TMIGD3: variants seen among roughly 807,000 people sequenced by gnomAD.
TMIGD3 encodes AD026 protein (AD026).
Under a neutral mutation model 28.1 loss-of-function variants are expected in TMIGD3, and 21 were observed. The ratio of observed to expected loss-of-function variants is 0.75; its 90% CI spans 0.53 to 1.08. TMIGD3 has a LOEUF of 1.08. Among genes scored for constraint, TMIGD3 ranks in the 50% least tolerant of loss-of-function variants. The pLI is 0.00. For missense variants in TMIGD3, 416 were observed against 435.6 expected (o/e 0.96, Z 0.40); for synonymous variants, 151 against 162.1 (o/e 0.93, Z 0.52).
At chr1:111,485,661 C>T in intron 5 of TMIGD3, 79 bp downstream of exon 5, 1 of 1,148,550 alleles carries the variant, frequency 8.7e-7, no homozygotes, top group Admixed American at 2.1e-5. Flanking sequence ...CTCTCATTCA[C>T]TCATTTGAAA....
intron 1 of TMIGD3, among the ~76,000 whole-genome samples, chr1:111,509,443 G>A (rs917068737): frequency 3.9e-5 from 6 of 152,114 alleles, no homozygotes; most frequent in Non-Finnish European, 8.8e-5. Flanking sequence ...ACAGTGGTAG[G>A]GCCTCATCCC....
In TMIGD3 at chr1:111,502,996, G is replaced by T; in HGVS notation, c.350+9C>A. The T allele has an allele frequency of 1.2e-6, 2 of 1,611,418 alleles. No homozygotes were observed. Among genetic ancestry groups the T allele is most frequent in the Non-Finnish European group, 1.7e-6 (2 of 1,177,954 alleles). ...CCTCAATTGCTGCCCACCCCACGCC[G>T]CAGGCTACCTGACGGTAAGCTTGAC... is the stretch of plus-strand genomic sequence containing the variant. On this transcript the variant is annotated intron_variant, in intron 1 of 5. Coordinates refer to ENST00000369716, the MANE Select transcript of TMIGD3 (RefSeq NM_020683.7).
At chr1:111,493,727 G>A (rs1654766660) in intron 1 of TMIGD3, among the ~76,000 whole-genome samples, 1 of 152,188 alleles carries the variant, frequency 6.6e-6, no homozygotes, top group Non-Finnish European at 1.5e-5. Context: ...TTGAGGCTCA[G>A]AAGCTTAAGT....
chr1:111,540,549 G>T (rs1656787148), intron 1 of TMIGD3, among the ~76,000 whole-genome samples: 1 of 152,198 alleles, frequency 6.6e-6, no homozygotes, highest in South Asian at 2.1e-4. Context: ...TCTGGGTTCT[G>T]GTTGGTGGTT....
chr1:111,518,773 C>T (rs1334902349), intron 1 of TMIGD3, among the ~76,000 whole-genome samples: 2 of 152,192 alleles, frequency 1.3e-5, no homozygotes, highest in Non-Finnish European at 2.9e-5. Context: ...ACCATTAATG[C>T]ATTCTGATTC....
At chr1:111,489,610 A>C in intron 2 of TMIGD3, 1 of 1,152,754 alleles carries the variant, frequency 8.7e-7, no homozygotes, top group Non-Finnish European at 1.1e-6. Flanking sequence ...GGTGGGTGAA[A>C]TATGGAGGCC....
intron 1 of TMIGD3, among the ~76,000 whole-genome samples, chr1:111,549,767 G>GC (rs576157247): frequency 8.8e-4 from 134 of 152,072 alleles, no homozygotes; most frequent in Admixed American, 4.7e-3. Context: ...TTCCACTGCA[G>GC]CCCCCCATGT....
chr1:111,486,355 T>C (rs1188034535), intron 4 of TMIGD3, among the ~76,000 whole-genome samples: 1 of 151,808 alleles, frequency 6.6e-6, no homozygotes, highest in African/African-American at 2.4e-5. Context: ...TTAATTAAAA[T>C]AGCTAGAGGG....
chr1:111,487,845 C>A (rs3767599), intron 3 of TMIGD3, among the ~76,000 whole-genome samples: 13,487 of 152,202 alleles, frequency 0.089, 805 homozygotes, highest in East Asian at 0.24. Context: ...ATTCTGTCAT[C>A]CAGGCTGAAG....
At chr1:111,489,108 A>T in intron 2 of TMIGD3, 84 bp from the exon 3 acceptor site, 1 of 1,309,362 alleles carries the variant, frequency 7.6e-7, no homozygotes, top group Non-Finnish European at 1.1e-6. Flanking sequence ...GCCCTCCTGA[A>T]GGATAATTAA....
At chr1:111,485,876 A>G (rs1450567102) in intron 4 of TMIGD3, 36 bp from the exon 5 acceptor site, 2 of 1,518,290 alleles carry the variant, frequency 1.3e-6, no homozygotes, top group South Asian at 2.3e-5. Flanking sequence ...TGTTGCTTGG[A>G]AGAAACTGCC....
chr1:111,490,729 T>C lies in TMIGD3; in HGVS notation c.384A>G (p.Leu128=). The change falls in exon 2 of 6, where the codon CTA becomes CTG. Residue 128 remains leucine (L), a synonymous_variant. Coordinates refer to ENST00000369716, the MANE Select transcript of TMIGD3 (RefSeq NM_020683.7). ...GGAAGCAAACTTTCAACTGGAATGA[T>C]AGAATGCACCCAGGGAGCCCAGGAA... ...FRIPGLPGCI[L]SFQLKVCFLP... 4 of 1,614,042 alleles carry C rather than the reference T, an allele frequency of 2.5e-6. No homozygotes were observed. Among genetic ancestry groups the C allele is most frequent in the South Asian group, 2.2e-5 (2 of 91,084 alleles).
At chr1:111,553,752 C>A (rs1305614274) in intron 1 of TMIGD3, among the ~76,000 whole-genome samples, 1 of 152,144 alleles carries the variant, frequency 6.6e-6, no homozygotes, top group Non-Finnish European at 1.5e-5. Flanking sequence ...TCCACTCCAC[C>A]CCCTTTTGTT....
Position 111,489,060 on chromosome 1 carries a change from C to A in TMIGD3, c.458-36G>T. ...ACACACACACACGCACACGTGCACA[C>A]ACACACACCATTGTTCTCTCAAAAC... is the stretch of plus-strand genomic sequence containing the variant. On this transcript the variant is annotated intron_variant, in intron 2 of 5. Transcript: ENST00000369716. 2.0e-6 allele frequency: 3 copies of A among 1,531,176 alleles called. No individual in the cohort carries two copies. In the South Asian group the frequency reaches 3.6e-5, roughly 18 times the overall value. 94.8% of individuals were successfully genotyped at this position (1,531,176 alleles called of 1,614,324 possible).
At chr1:111,562,395 G>C (rs1657775616) in intron 1 of TMIGD3, among the ~76,000 whole-genome samples, 1 of 152,154 alleles carries the variant, frequency 6.6e-6, no homozygotes, top group Non-Finnish European at 1.5e-5. Context: ...TTTTAAAACT[G>C]TTGTCTGTGT....
chr1:111,514,991 G>A (rs1655811472), intron 1 of TMIGD3, among the ~76,000 whole-genome samples: 1 of 152,218 alleles, frequency 6.6e-6, no homozygotes, highest in South Asian at 2.1e-4. Flanking sequence ...AAAGGGCAGA[G>A]CCCGTCTTGA....
At position 111,558,221 on chromosome 1, in the gene TMIGD3, A is replaced by G. The variant is rs184417749; in HGVS notation, c.107+5625T>C. Among the ~76,000 whole-genome samples the G allele has an allele frequency of 2.0e-3, 300 of 152,334 alleles. 2 individuals are homozygous for G. The highest frequency in any genetic ancestry group is 7.1e-3 in the African/African-American group (294 of 41,574). ...GAGACAGGGTCTTACTCCACTGCCC[A>G]GGCTGGAGTGCAGTGGCGCAATCTT... On this transcript the variant is annotated intron_variant, in intron 1 of 5. Coordinates refer to the TMIGD3 transcript ENST00000369717.
rs1342321176 is a variant in TMIGD3 at position 111,489,668 on chromosome 1, TTAGGAGGCCCTCTGTCCC to T, written c.458-662_458-645del. ...GCCTTGAAGAGCCTGAGGCTTACCG[TTAGGAGGCCCTCTGTCCC>T]TAGCTCCCACCCTACCTTAGCACCC... is the stretch of plus-strand genomic sequence containing the variant. On this transcript the variant is annotated intron_variant, in intron 2 of 5. Coordinates refer to ENST00000369716, the MANE Select transcript of TMIGD3 (RefSeq NM_020683.7). 3 of 1,079,794 alleles carry T rather than the reference TTAGGAGGCCCTCTGTCCC, an allele frequency of 2.8e-6. No homozygotes were observed. In the East Asian group the frequency reaches 3.6e-4, roughly 130 times the overall value. 66.9% of individuals were successfully genotyped at this position (1,079,794 alleles called of 1,614,324 possible). A position where few individuals can be genotyped will look rare whatever the true frequency, so the allele number is the denominator to read the frequency against.
intron 3 of TMIGD3, among the ~76,000 whole-genome samples, chr1:111,487,079 C>T (rs1654413452): frequency 6.6e-6 from 1 of 152,194 alleles, no homozygotes; most frequent in Admixed American, 6.5e-5. Flanking sequence ...GATGTAATTG[C>T]CATGTTTTTC....
Sources: allele counts gnomAD v4.1 joint callset (sites outside exome capture counted in the v4.1 genomes callset), GRCh38; gene constraint gnomAD v4.1.1; transcripts MANE v1.5; gene names NCBI Gene and HGNC (gene_info 2026-07-23, HGNC 2026-07-21).